The following ME1 variants were observed in gnomAD, a reference collection of about 807,000 sequenced individuals.
ME1 encodes malic enzyme 1, also known as NADP-dependent malic enzyme.
ME1 carries 74 observed loss-of-function variants against 66.4 expected under a neutral mutation model. The ratio of observed to expected loss-of-function variants is 1.11; its 90% confidence interval spans 0.92 to 1.35. ME1 has a LOEUF of 1.35. ME1 is among the 40% of genes most tolerant of loss of function. The pLI, the probability that ME1 is intolerant of heterozygous loss-of-function variation, is 0.00. For synonymous variants in ME1, 251 were observed against 235.6 expected, an observed-to-expected ratio of 1.07 and a Z score of -0.60; for missense variants, 750 against 694.1, an observed-to-expected ratio of 1.08 and a Z score of -0.90.
intron 1 of ME1, among the ~76,000 whole-genome samples, chr6:83,428,699 G>A (rs1770420360): frequency 6.6e-6 from 1 of 152,194 alleles, no homozygotes; most frequent in Non-Finnish European, 1.5e-5. Flanking sequence ...AGGAAACTCT[G>A]TTACTCCCAT....
At chr6:83,261,454 T>A (rs1156456401) in intron 6 of ME1, among the ~76,000 whole-genome samples, 1 of 139,126 alleles carries the variant, frequency 7.2e-6, no homozygotes, top group Admixed American at 7.6e-5. Context: ...TGGAAAAGCT[T>A]TTAGTTTAAT....
intron 6 of ME1, among the ~76,000 whole-genome samples, chr6:83,304,651 A>T (rs145089301): frequency 6.6e-6 from 1 of 152,346 alleles, no homozygotes; most frequent in East Asian, 1.9e-4. Context: ...TTGAGAATTA[A>T]TCACTACATA....
chr6:83,315,389 T>G lies in ME1; in HGVS notation c.625A>C (p.Ile209Leu), dbSNP rs1181507246. ...CTTACTCTTCTCTGCCGTAGTCCAATGTAGAGTGGATCTTTAAGTAACTCC... is the reference window on the plus strand; with the variant it reads ...CTTACTCTTCTCTGCCGTAGTCCAAGGTAGAGTGGATCTTTAAGTAACTCC... ...NEELLKDPLY[I>L]GLRQRRVRGS... is the part of the protein sequence containing the mutation. The change falls in exon 6 of 14, where the codon ATT (isoleucine) becomes CTT (leucine). Residue 209 changes from isoleucine (I) to leucine (L), a missense_variant. Physicochemically the swap from Ile to Leu is conservative, Grantham distance 5. Transcript: ENST00000369705. 6.2e-7 allele frequency: 1 copy of G among 1,605,598 alleles called. No individual in the cohort carries two copies.
At chr6:83,339,991 A>AAAG (rs1562484783) in intron 5 of ME1, among the ~76,000 whole-genome samples, 2 of 147,944 alleles carry the variant, frequency 1.4e-5, no homozygotes, top group African/African-American at 2.5e-5. Context: ...AGAAAAGAAA[A>AAAG]GAAATGTGAA....
intron 6 of ME1, among the ~76,000 whole-genome samples, chr6:83,293,817 T>C (rs1562472065): frequency 6.6e-6 from 1 of 152,218 alleles, no homozygotes; most frequent in African/African-American, 2.4e-5. Context: ...ATCTCTAACA[T>C]ACAAATTCTC....
intron 1 of ME1, among the ~76,000 whole-genome samples, chr6:83,411,990 T>C (rs1027629526): frequency 1.3e-5 from 2 of 152,158 alleles, no homozygotes; most frequent in African/African-American, 2.4e-5. Context: ...GTATATCTTC[T>C]TGACAAAACT....
chr6:83,211,921 A>T lies in ME1; in HGVS notation c.*3T>A. The T allele has an allele frequency of 1.3e-6, 2 of 1,577,326 alleles. No individual in the cohort carries two copies. The highest frequency in any genetic ancestry group is 2.3e-5 in the East Asian group (1 of 43,890). On this transcript the variant is annotated 3_prime_UTR_variant, in exon 14 of 14. Transcript: ENST00000369705. ...AATAGAGTTAGAAATGTTTGCTATT[A>T]TCCTACTGGTCAACTTTGGTCTGTA...
intron 12 of ME1, among the ~76,000 whole-genome samples, chr6:83,217,434 C>A (rs2128522621): frequency 6.6e-6 from 1 of 152,126 alleles, no homozygotes; most frequent in Non-Finnish European, 1.5e-5. Flanking sequence ...GAAATTATTT[C>A]CAAAATATTA....
chr6:83,257,731 C>A (rs1246344050), intron 6 of ME1, among the ~76,000 whole-genome samples: 1 of 152,146 alleles, frequency 6.6e-6, no homozygotes, highest in Non-Finnish European at 1.5e-5. Flanking sequence ...GAGAAGCAAA[C>A]TTCATCATAG....
chr6:83,393,409 A>T (rs935492871), intron 3 of ME1: 18 of 667,810 alleles, frequency 2.7e-5, no homozygotes, highest in African/African-American at 1.6e-4. Flanking sequence ...CCAAGGAGTA[A>T]GACCCCCAGA....
intron 5 of ME1, among the ~76,000 whole-genome samples, chr6:83,320,817 G>T (rs555932087): frequency 1.3e-5 from 2 of 152,286 alleles, no homozygotes; most frequent in South Asian, 2.1e-4. Flanking sequence ...ACAAGATAGA[G>T]ATTCTGAAGT....
At chr6:83,250,211 G>T (rs917198960) in intron 7 of ME1, among the ~76,000 whole-genome samples, 3 of 148,408 alleles carry the variant, frequency 2.0e-5, no homozygotes, top group Admixed American at 6.7e-5. Context: ...TTCCAATCCT[G>T]TTATTTCAAA....
chr6:83,374,357 G>A (rs1484721154), intron 3 of ME1, among the ~76,000 whole-genome samples: 1 of 152,206 alleles, frequency 6.6e-6, no homozygotes. Context: ...AATCAGTGAT[G>A]TTGAGCTTTT....
chr6:83,212,212 A>T, intron 13 of ME1, 118 bp from the exon 14 acceptor site: 1 of 602,336 alleles, frequency 1.7e-6, no homozygotes, highest in East Asian at 3.0e-5. Context: ...AAAAACATTA[A>T]GTGTATTATA....
Position 83,237,764 on chromosome 6 carries a change from C to T in ME1, c.979G>A (p.Ala327Thr), listed in dbSNP as rs768184237. The change falls in exon 9 of 14, where the codon GCC (alanine) becomes ACC (threonine). Residue 327 changes from alanine (A) to threonine (T), a missense_variant. Coordinates refer to ENST00000369705, the MANE Select transcript of ME1 (RefSeq NM_002395.6). ...LEKEGLPKEK[A>T]IKKIWLVDSK... Reference sequence around the variant, plus strand: ...TCAACCAGCCATATCTTTTTGATGGCTTTCTCTTTTGGTAAACCTTCTTTT... The same window carrying T: ...TCAACCAGCCATATCTTTTTGATGGTTTTCTCTTTTGGTAAACCTTCTTTT... 2 of 1,608,984 alleles carry T rather than the reference C, an allele frequency of 1.2e-6. No individual in the cohort carries two copies. The highest frequency in any genetic ancestry group is 4.5e-5 in the East Asian group (2 of 44,600).
chr6:83,256,037 T>C (rs976799999), intron 6 of ME1, among the ~76,000 whole-genome samples: 3 of 152,304 alleles, frequency 2.0e-5, no homozygotes, highest in African/African-American at 7.2e-5. Context: ...TTTATCCTTC[T>C]TTTTAAGTAT....
chr6:83,356,497 G>A (rs1768893026), intron 3 of ME1, among the ~76,000 whole-genome samples: 1 of 152,116 alleles, frequency 6.6e-6, no homozygotes, highest in Non-Finnish European at 1.5e-5. Context: ...AGAGTTGCAA[G>A]AAATAGAAGA....
chr6:83,365,469 A>G (rs547660702), intron 3 of ME1, among the ~76,000 whole-genome samples: 2 of 152,224 alleles, frequency 1.3e-5, no homozygotes, highest in Non-Finnish European at 2.9e-5. Context: ...TGAGAAAATG[A>G]AAGAGCATGA....
intron 6 of ME1, among the ~76,000 whole-genome samples, chr6:83,306,652 G>C (rs959132666): frequency 4.1e-4 from 62 of 152,064 alleles, no homozygotes; most frequent in African/African-American, 1.4e-3. Flanking sequence ...TTATGTTGGG[G>C]AGCTACCTTT....
Sources: allele counts gnomAD v4.1 joint callset (sites outside exome capture counted in the v4.1 genomes callset), GRCh38; gene constraint gnomAD v4.1.1; transcripts MANE v1.5; gene names NCBI Gene and HGNC (gene_info 2026-07-23, HGNC 2026-07-21).